The following CAST variants were observed in gnomAD, a reference collection of about 807,000 sequenced individuals.
The protein encoded by CAST is MIR583 host.
In CAST, 76 loss-of-function variants were observed where a neutral mutation model predicts 119.6. The ratio of observed to expected loss-of-function variants is 0.64; its 90% confidence interval spans 0.53 to 0.77. CAST has a LOEUF of 0.77. CAST is among the 30% of genes least tolerant of loss of function. CAST has a pLI of 0.00. For missense variants in CAST, 953 were observed against 946.5 expected (o/e 1.01, Z -0.09); for synonymous variants, 319 against 331.6 (o/e 0.96, Z 0.41).
chr5:96,409,469 G>A, the CAST span, among the ~76,000 whole-genome samples: 1 of 152,282 alleles, frequency 6.6e-6, no homozygotes, highest in Admixed American at 6.5e-5. Flanking sequence ...GTAAGAAAAA[G>A]GTTATGTTAC....
At chr5:96,296,505 T>G in the CAST span, among the ~76,000 whole-genome samples, 1 of 152,238 alleles carries the variant, frequency 6.6e-6, no homozygotes, top group Non-Finnish European at 1.5e-5. Context: ...TTGCAAATTA[T>G]TTTCTGTTGA....
Position 96,773,173 on chromosome 5 carries a change from C to G in CAST, c.*557C>G, listed in dbSNP as rs1403960687. On this transcript the variant is annotated 3_prime_UTR_variant, in exon 32 of 32. Coordinates refer to ENST00000675179, the MANE Select transcript of CAST (RefSeq NM_001750.7). Reference sequence around the variant, plus strand: ...AAGATATTGTACATTGGGCACATATCTCCTCTTGGGCTGCTAATAATAAAT... The same window carrying G: ...AAGATATTGTACATTGGGCACATATGTCCTCTTGGGCTGCTAATAATAAAT... 1 of 153,760 alleles carries G rather than the reference C, an allele frequency of 6.5e-6. No homozygotes were observed. The highest frequency in any genetic ancestry group is 2.4e-5 in the African/African-American group (1 of 41,406). The allele number at this position is 153,760 out of a possible 1,614,324, so 9.5% of individuals were successfully genotyped here. A position where few individuals can be genotyped will look rare whatever the true frequency, so the allele number is the denominator to read the frequency against.
chr5:96,407,203 C>T, the CAST span, among the ~76,000 whole-genome samples: 7 of 152,070 alleles, frequency 4.6e-5, no homozygotes, highest in African/African-American at 1.7e-4. Flanking sequence ...ATATTAACTA[C>T]ATTTCATTAA....
intron 9 of CAST, among the ~76,000 whole-genome samples, chr5:96,731,660 A>T (rs1270258796): frequency 2.5e-4 from 14 of 56,486 alleles, no homozygotes; most frequent in East Asian, 6.6e-4. Flanking sequence ...CCCTCTCCCC[A>T]CCCCTCCACA....
At chr5:96,113,091 G>A in the CAST span, among the ~76,000 whole-genome samples, 21 of 152,164 alleles carry the variant, frequency 1.4e-4, no homozygotes. Flanking sequence ...AAAGTCTTAA[G>A]TTTTGTTTCA....
At chr5:95,971,618 C>G in the CAST span, among the ~76,000 whole-genome samples, 1 of 152,138 alleles carries the variant, frequency 6.6e-6, no homozygotes, top group Admixed American at 6.5e-5. Context: ...TTCCTGCCAC[C>G]CACCCTTAAC....
the CAST span, among the ~76,000 whole-genome samples, chr5:96,104,134 A>G: frequency 3.4e-3 from 512 of 151,806 alleles, 2 homozygotes; most frequent in African/African-American, 4.1e-3. Context: ...CTGGATATTA[A>G]CCCTTTGTCA....
chr5:96,308,319 T>C, the CAST span, among the ~76,000 whole-genome samples: 1 of 151,944 alleles, frequency 6.6e-6, no homozygotes, highest in East Asian at 1.9e-4. Context: ...ATTTATGTTC[T>C]TCTCTACACT....
At chr5:96,411,521 G>A in the CAST span, among the ~76,000 whole-genome samples, 1 of 152,192 alleles carries the variant, frequency 6.6e-6, no homozygotes, top group Admixed American at 6.5e-5. Context: ...GGAGCACAAG[G>A]CTTTAGAATC....
At chr5:96,720,845 A>G (rs1561520634) in intron 3 of CAST, among the ~76,000 whole-genome samples, 1 of 152,260 alleles carries the variant, frequency 6.6e-6, no homozygotes, top group Non-Finnish European at 1.5e-5. Flanking sequence ...AAAGATTTTC[A>G]GCTTCAGAAG....
chr5:96,623,018 C>G (rs1747650422), intron 1 of CAST, among the ~76,000 whole-genome samples: 1 of 151,756 alleles, frequency 6.6e-6, no homozygotes, highest in African/African-American at 2.4e-5. Flanking sequence ...TGCGCACCAC[C>G]ACACCTGGCT....
the CAST span, among the ~76,000 whole-genome samples, chr5:96,458,829 C>T: frequency 1.3e-5 from 2 of 152,094 alleles, no homozygotes; most frequent in African/African-American, 2.4e-5. Context: ...CCCCAACTTT[C>T]GCACATCATC....
At chr5:96,062,520 G>A in the CAST span, among the ~76,000 whole-genome samples, 1 of 152,122 alleles carries the variant, frequency 6.6e-6, no homozygotes, top group Non-Finnish European at 1.5e-5. Flanking sequence ...TGTGGGTTTA[G>A]AGGTCCTGCT....
chr5:96,763,504 C>T (rs1238557720), intron 25 of CAST, among the ~76,000 whole-genome samples: 1 of 152,184 alleles, frequency 6.6e-6, no homozygotes, highest in East Asian at 1.9e-4. Context: ...CTGATGAAGG[C>T]TATCAGTAAA....
the CAST span, among the ~76,000 whole-genome samples, chr5:96,375,333 G>C: frequency 6.6e-6 from 1 of 152,034 alleles, no homozygotes; most frequent in Non-Finnish European, 1.5e-5. Flanking sequence ...AAAAAGTCTT[G>C]AGCATTTACA....
At chr5:96,483,307 C>T in the CAST span, among the ~76,000 whole-genome samples, 10 of 152,082 alleles carry the variant, frequency 6.6e-5, no homozygotes, top group African/African-American at 1.9e-4. Flanking sequence ...CAAATAAGAA[C>T]GGGTGCTGAC....
chr5:96,033,291 T>G, the CAST span, among the ~76,000 whole-genome samples: 1 of 151,994 alleles, frequency 6.6e-6, no homozygotes. Context: ...AATGACATTC[T>G]TCACAGAAAT....
At chr5:96,537,572 A>G (rs1745842671) in intron 1 of CAST, among the ~76,000 whole-genome samples, 2 of 152,026 alleles carry the variant, frequency 1.3e-5, no homozygotes, top group South Asian at 4.1e-4. Flanking sequence ...AAAAAAACTT[A>G]TCTTTTCAAC....
chr5:96,315,621 T>C, the CAST span, among the ~76,000 whole-genome samples: 1 of 152,200 alleles, frequency 6.6e-6, no homozygotes, highest in African/African-American at 2.4e-5. Flanking sequence ...AGATTAAAGA[T>C]AGCCACAAAT....
Sources: allele counts gnomAD v4.1 joint callset (sites outside exome capture counted in the v4.1 genomes callset), GRCh38; gene constraint gnomAD v4.1.1; transcripts MANE v1.5; gene names NCBI Gene and HGNC (gene_info 2026-07-23, HGNC 2026-07-21).